AP4E1: variants seen among roughly 807,000 people sequenced by gnomAD.
The protein encoded by AP4E1 is adaptor related protein complex 4 subunit epsilon 1, also known as AP-4 complex subunit epsilon-1.
A neutral mutation model predicts 128.2 loss-of-function variants in AP4E1; 56 were observed. That is an observed-to-expected ratio of 0.44 (90% CI 0.35 to 0.55). AP4E1 has a LOEUF of 0.55. AP4E1 is among the 20% of genes least tolerant of loss of function. The pLI, the probability that AP4E1 is intolerant of heterozygous loss-of-function variation, is 0.00. For synonymous variants in AP4E1, 484 were observed against 473.1 expected (o/e 1.02, Z -0.30); for missense variants, 1,324 against 1,307.7 (o/e 1.01, Z -0.19).
At chr15:50,944,718 G>T in intron 10 of AP4E1, 1 of 518,388 alleles carries the variant, frequency 1.9e-6, no homozygotes, top group South Asian at 2.9e-5. Context: ...AACCAAGTTG[G>T]ACTTACAGAG....
intron 7 of AP4E1, among the ~76,000 whole-genome samples, chr15:50,934,092 G>A (rs576717447): frequency 1.3e-5 from 2 of 151,996 alleles, no homozygotes; most frequent in African/African-American, 4.8e-5. Flanking sequence ...TGACCATAAT[G>A]ACATATGAAT....
intron 15 of AP4E1, among the ~76,000 whole-genome samples, chr15:50,975,944 CT>C (rs1490644428): frequency 1.3e-5 from 2 of 148,314 alleles, no homozygotes; most frequent in Admixed American, 1.4e-4. Flanking sequence ...GACCCCATCT[CT>C]ACAAAAGGGA....
At chr15:50,971,878 C>T (rs1596494764) in intron 15 of AP4E1, among the ~76,000 whole-genome samples, 1 of 152,006 alleles carries the variant, frequency 6.6e-6, no homozygotes, top group Non-Finnish European at 1.5e-5. Context: ...AATTGTCTGT[C>T]TGTATTCTCT....
intron 20 of AP4E1, 74 bp downstream of exon 20, chr15:51,001,257 A>G (rs2064959442): frequency 7.2e-7 from 1 of 1,393,158 alleles, no homozygotes. Context: ...ATCAACTCTT[A>G]CAAGTATCAG....
intron 15 of AP4E1, among the ~76,000 whole-genome samples, chr15:50,977,347 A>G (rs2064565802): frequency 6.6e-6 from 1 of 152,190 alleles, no homozygotes; most frequent in Non-Finnish European, 1.5e-5. Flanking sequence ...TGACACAAAT[A>G]CAAGAGCCCT....
chr15:50,950,612 AT>A (rs1363840022), intron 13 of AP4E1, among the ~76,000 whole-genome samples: 1 of 151,804 alleles, frequency 6.6e-6, no homozygotes, highest in Non-Finnish European at 1.5e-5. Flanking sequence ...CTTCTTTTTT[AT>A]TTTATTTTAT....
chr15:50,956,280 A>G (rs745773408), intron 13 of AP4E1, among the ~76,000 whole-genome samples: 4 of 152,256 alleles, frequency 2.6e-5, no homozygotes, highest in Middle Eastern at 6.8e-3. Flanking sequence ...CATACTGTTT[A>G]AGGATTGAAC....
chr15:50,994,253 T>C (rs2064842436), intron 17 of AP4E1, among the ~76,000 whole-genome samples: 2 of 152,202 alleles, frequency 1.3e-5, no homozygotes, highest in African/African-American at 4.8e-5. Flanking sequence ...ATTTTCATAG[T>C]AAAAGAATGA....
intron 14 of AP4E1, among the ~76,000 whole-genome samples, chr15:50,960,566 C>A (rs1406187800): frequency 1.3e-5 from 2 of 151,952 alleles, no homozygotes; most frequent in Non-Finnish European, 2.9e-5. Context: ...GAAAAAATTT[C>A]TTGAATCTAA....
chr15:50,974,266 A>ATT (rs958466492), intron 15 of AP4E1, among the ~76,000 whole-genome samples: 3,140 of 112,548 alleles, frequency 0.028, 45 homozygotes, highest in Non-Finnish European at 0.037. Flanking sequence ...GTGCCCGGCC[A>ATT]TTTTTTTTTT....
chr15:50,907,779 G>A (rs1404691860), upstream of AP4E1, among the ~76,000 whole-genome samples: 1 of 152,230 alleles, frequency 6.6e-6, no homozygotes, highest in African/African-American at 2.4e-5. Context: ...TTTTGACTTT[G>A]TGAATTCCCT....
At chr15:50,999,049 A>G (rs1455480079) in intron 18 of AP4E1, 23 bp from the exon 19 acceptor site, 1 of 1,611,566 alleles carries the variant, frequency 6.2e-7, no homozygotes, top group African/African-American at 1.3e-5. Context: ...CTTCTTCAAC[A>G]CTTTTATTAC....
chr15:50,973,797 A>G (rs2140901549), intron 15 of AP4E1, among the ~76,000 whole-genome samples: 1 of 152,320 alleles, frequency 6.6e-6, no homozygotes, highest in East Asian at 1.9e-4. Context: ...ATATGACATC[A>G]TCTTTATCCA....
At position 50,968,296 on chromosome 15, in the gene AP4E1, G is replaced by A; in HGVS notation, c.1885G>A (p.Val629Met). 1 of 1,613,540 alleles carries A rather than the reference G, an allele frequency of 6.2e-7. No individual in the cohort carries two copies. The highest frequency in any genetic ancestry group is 8.5e-7 in the Non-Finnish European group (1 of 1,179,782). ...DASLSFLDGF[V>M]AEGLSQGAAP... The stretch of plus-strand genomic sequence containing the variant: ...TTCTTTATCTTTTCTGGATGGTTTT[G>A]TGGCTGAAGGACTCAGTCAGGGTGC... The change falls in exon 15 of 21, where the codon GTG becomes ATG. Residue 629 changes from valine to methionine, a missense_variant. By Grantham distance (21) the Val-to-Met change is conservative. Coordinates refer to ENST00000261842, the MANE Select transcript of AP4E1 (RefSeq NM_007347.5).
chr15:50,950,097 T>G lies in AP4E1; in HGVS notation c.1476T>G (p.Val492=). The G allele has an allele frequency of 6.2e-7, 1 of 1,613,408 alleles. No homozygotes were observed. The highest frequency in any genetic ancestry group is 8.5e-7 in the Non-Finnish European group (1 of 1,179,600). The change falls in exon 13 of 21, where the codon GTT becomes GTG. Residue 492 remains valine, a synonymous_variant. Coordinates refer to ENST00000261842, the MANE Select transcript of AP4E1 (RefSeq NM_007347.5). ...ATCAGCAATTAAGACTCTATGCAGT[T>G]CAGTCTTATCTCACTTTACTGGATA... is the stretch of plus-strand genomic sequence containing the variant. ...TEDQQLRLYA[V]QSYLTLLDME... is the part of the protein sequence containing the mutation.
At position 50,925,192 on chromosome 15, in the gene AP4E1, T is replaced by C; in HGVS notation, c.515T>C (p.Leu172Ser). Residue 172 changes from leucine (L) to serine (S), a missense_variant, in exon 5 of 21, where the codon TTA (leucine) becomes TCA (serine). Coordinates refer to ENST00000261842, the MANE Select transcript of AP4E1 (RefSeq NM_007347.5). ...PCEMIPAVLP[L>S]IEDKLQHSKE... ...GAAATGATTCCAGCTGTTCTTCCATTAATAGAAGATAAACTTCAACATTCT... is the reference window on the plus strand; with the variant it reads ...GAAATGATTCCAGCTGTTCTTCCATCAATAGAAGATAAACTTCAACATTCT... The C allele has an allele frequency of 6.2e-7, 1 of 1,613,620 alleles. No homozygotes were observed. Among genetic ancestry groups the C allele is most frequent in the South Asian group, 1.1e-5 (1 of 91,072 alleles).
At chr15:50,970,197 C>G (rs1248851484) in intron 15 of AP4E1, among the ~76,000 whole-genome samples, 2 of 152,164 alleles carry the variant, frequency 1.3e-5, no homozygotes, top group African/African-American at 4.8e-5. Context: ...TGGTGTTTAA[C>G]TTTCTGTTCC....
chr15:50,922,425 A>G (rs2063716680), intron 3 of AP4E1, among the ~76,000 whole-genome samples: 1 of 152,148 alleles, frequency 6.6e-6, no homozygotes, highest in Non-Finnish European at 1.5e-5. Context: ...TTGTGAGAGT[A>G]ATAGCTCTGC....
chr15:50,961,899 G>C (rs1173825656), intron 14 of AP4E1, among the ~76,000 whole-genome samples: 1 of 151,664 alleles, frequency 6.6e-6, no homozygotes, highest in Non-Finnish European at 1.5e-5. Context: ...AAAGAATTCA[G>C]TAAAGATCCA....
Sources: gnomAD v4.1 joint callset for allele counts (sites outside exome capture counted in the v4.1 genomes callset) on GRCh38, gnomAD v4.1.1 for gene constraint, MANE v1.5 for transcripts, NCBI Gene and HGNC (gene_info 2026-07-23, HGNC 2026-07-21) for gene names.